PRKACB: variants seen among roughly 807,000 people sequenced by gnomAD.
PRKACB encodes cAMP-dependent protein kinase catalytic subunit beta.
Under a neutral mutation model 51.4 loss-of-function variants are expected in PRKACB, and 16 were observed. The ratio of observed to expected loss-of-function variants is 0.31; its 90% CI spans 0.21 to 0.47. The LOEUF is 0.47. PRKACB is among the 20% of genes least tolerant of loss of function. PRKACB has a pLI of 1.00. For synonymous variants in PRKACB, 147 were observed against 154.4 expected (o/e 0.95, Z 0.35); for missense variants, 309 against 464.5 (o/e 0.67, Z 3.08).
chr1:84,181,042 A>G (rs1478840556), intron 2 of PRKACB, among the ~76,000 whole-genome samples: 1 of 152,088 alleles, frequency 6.6e-6, no homozygotes, highest in Non-Finnish European at 1.5e-5. Context: ...TCTTATGACT[A>G]CTTAAAATTA....
intron 1 of PRKACB, among the ~76,000 whole-genome samples, chr1:84,087,143 G>T (rs71652667): frequency 0.048 from 7,302 of 152,346 alleles, 238 homozygotes; most frequent in Middle Eastern, 0.11. Context: ...GTGGTGTTTT[G>T]TGTATAGCAG....
At chr1:84,198,464 A>G (rs751104237) in intron 7 of PRKACB, among the ~76,000 whole-genome samples, 1 of 152,134 alleles carries the variant, frequency 6.6e-6, no homozygotes, top group Non-Finnish European at 1.5e-5. Flanking sequence ...AGGGGATAAG[A>G]CACATGCTTC....
At chr1:84,180,684 A>C (rs1398253886) in intron 2 of PRKACB, among the ~76,000 whole-genome samples, 1 of 152,100 alleles carries the variant, frequency 6.6e-6, no homozygotes, top group Non-Finnish European at 1.5e-5. Context: ...TTCTAAGTAA[A>C]TGTTTCTTAA....
chr1:84,127,877 G>C (rs914743971), intron 1 of PRKACB, among the ~76,000 whole-genome samples: 1 of 151,774 alleles, frequency 6.6e-6, no homozygotes, highest in African/African-American at 2.4e-5. Flanking sequence ...TATGTACTTA[G>C]TGGGAATTTT....
chr1:84,165,092 C>T (rs770728816), intron 1 of PRKACB: 13 of 1,169,268 alleles, frequency 1.1e-5, no homozygotes, highest in South Asian at 1.5e-5. Flanking sequence ...TTTAAAGGGA[C>T]AGTTATAAAG....
chr1:84,174,999 T>C, intron 1 of PRKACB: 1 of 1,451,606 alleles, frequency 6.9e-7, no homozygotes, highest in South Asian at 1.5e-5. Flanking sequence ...TTCATATAAT[T>C]TAATCATTTT....
chr1:84,198,815 A>G (rs557128730), intron 7 of PRKACB, among the ~76,000 whole-genome samples: 2 of 150,218 alleles, frequency 1.3e-5, no homozygotes, highest in Admixed American at 6.6e-5. Flanking sequence ...TTTTAAAAAC[A>G]TTCATATATG....
At chr1:84,209,033 C>A (rs192488081) in intron 8 of PRKACB, among the ~76,000 whole-genome samples, 280 of 152,282 alleles carry the variant, frequency 1.8e-3, no homozygotes, top group Admixed American at 3.0e-3. Flanking sequence ...TACCCAAAGA[C>A]AAAAGGTAGT....
intron 1 of PRKACB, among the ~76,000 whole-genome samples, chr1:84,092,690 A>C (rs896268927): frequency 6.6e-6 from 1 of 152,036 alleles, no homozygotes; most frequent in African/African-American, 2.4e-5. Context: ...GATTGGTTGA[A>C]CCTGTTTCTA....
rs1558324846 is a variant in PRKACB, at chr1:84,223,370, G to GGT, written c.1071+9053_1071+9054insGT. Among the ~76,000 whole-genome samples, 14 of 21,470 alleles carry GGT rather than the reference G, an allele frequency of 6.5e-4. No homozygotes were observed. The South Asian group carries it at 0.019, about 30-fold the overall frequency. The allele number at this position is 21,470 out of a possible 152,430, so 14.1% of individuals were successfully genotyped here. ...TGGATCTGTTTGGTTGTTTTTTTTTGTTTTTTTGTTTTTTTTGAAATGGTG... is the reference window on the plus strand; with the variant it reads ...TGGATCTGTTTGGTTGTTTTTTTTTGGTTTTTTTTGTTTTTTTTGAAATGGTG... On this transcript the variant is annotated intron_variant, in intron 9 of 9. Transcript: ENST00000370685.
chr1:84,160,233 G>A (rs974056232), intron 1 of PRKACB, among the ~76,000 whole-genome samples: 5 of 151,978 alleles, frequency 3.3e-5, no homozygotes, highest in African/African-American at 1.2e-4. Flanking sequence ...TTCAATATTT[G>A]TGTTACAGGT....
At position 84,206,849 on chromosome 1, in the gene PRKACB, C is replaced by T. The variant is rs556001937; in HGVS notation, c.906+4044C>T. ...TGCCAGACATCTCTCAAGGGCCAAA[C>T]TTGTAAGCAGTTCTTTCTAAGGGTA... On this transcript the variant is annotated intron_variant, in intron 8 of 9. Coordinates refer to ENST00000370685, the MANE Select transcript of PRKACB (RefSeq NM_182948.4). 7.2e-5 allele frequency among the ~76,000 whole-genome samples: 11 copies of T among 152,312 alleles called. No individual in the cohort carries two copies. The South Asian group carries it at 2.3e-3, about 32-fold the overall frequency.
chr1:84,149,296 G>A (rs996867990), intron 1 of PRKACB, among the ~76,000 whole-genome samples: 2 of 151,262 alleles, frequency 1.3e-5, no homozygotes, highest in Non-Finnish European at 2.9e-5. Flanking sequence ...GTCTTACCGT[G>A]TCACCCAGGC....
At chr1:84,081,110 G>A (rs1019440012) in intron 1 of PRKACB, among the ~76,000 whole-genome samples, 11 of 152,176 alleles carry the variant, frequency 7.2e-5, no homozygotes, top group African/African-American at 2.7e-4. Context: ...AAAATATCAA[G>A]TCAGTTAAGA....
chr1:84,125,508 T>G (rs12085818), intron 1 of PRKACB, among the ~76,000 whole-genome samples: 57 of 152,230 alleles, frequency 3.7e-4, no homozygotes, highest in African/African-American at 1.3e-3. Flanking sequence ...TTGAAACATA[T>G]CCACAGTTTC....
At chr1:84,123,592 T>C (rs565612102) in intron 1 of PRKACB, among the ~76,000 whole-genome samples, 1 of 152,322 alleles carries the variant, frequency 6.6e-6, no homozygotes, top group South Asian at 2.1e-4. Context: ...CATTTAAAAT[T>C]GGTTTGATAA....
intron 1 of PRKACB, among the ~76,000 whole-genome samples, chr1:84,097,718 G>A (rs943584491): frequency 6.6e-6 from 1 of 151,958 alleles, no homozygotes; most frequent in Non-Finnish European, 1.5e-5. Context: ...TGAGTCTGAA[G>A]ACCAAAGAAC....
At chr1:84,130,895 C>G (rs1652115329) in intron 1 of PRKACB, among the ~76,000 whole-genome samples, 1 of 152,020 alleles carries the variant, frequency 6.6e-6, no homozygotes, top group Non-Finnish European at 1.5e-5. Flanking sequence ...TGTTTTTTCT[C>G]CTCTTAAGTT....
exon 1 of PRKACB, chr1:84,078,262 G>C: frequency 6.6e-7 from 1 of 1,517,896 alleles, no homozygotes; most frequent in South Asian, 1.2e-5. Context: ...CCAGACTGTG[G>C]AGTGGCGGGC....
Sources: gnomAD v4.1 joint callset for allele counts (sites outside exome capture counted in the v4.1 genomes callset) on GRCh38, gnomAD v4.1.1 for gene constraint, MANE v1.5 for transcripts, NCBI Gene and HGNC (gene_info 2026-07-23, HGNC 2026-07-21) for gene names.